Variants in COL4A2 observed in about 807,000 individuals in gnomAD.
COL4A2 encodes collagen type IV alpha 2 chain.
COL4A2 carries 99 observed loss-of-function variants against 200.2 expected under a neutral mutation model. That is an observed-to-expected ratio of 0.49 (90% CI 0.42 to 0.58). The LOEUF (loss-of-function observed/expected upper bound fraction) is 0.58. Among genes scored for constraint, COL4A2 ranks in the 20% least tolerant of loss-of-function variants. The probability of loss-of-function intolerance (pLI) is 0.00; values close to 1 mark genes in which losing one functional copy is unlikely to be tolerated. For synonymous variants in COL4A2, 897 were observed against 900.6 expected, an observed-to-expected ratio of 1.00 and a Z score of 0.07; for missense variants, 1,950 against 2,314.1, an observed-to-expected ratio of 0.84 and a Z score of 3.23.
At chr13:110,357,657 A>G (rs1877339405) in intron 4 of COL4A2, 105 bp downstream of exon 4, 4 of 1,488,606 alleles carry the variant, frequency 2.7e-6, no homozygotes, top group Middle Eastern at 4.2e-4. Flanking sequence ...CAGTTTCATC[A>G]TTGCTTGAAC....
chr13:110,452,854 G>T (rs1485013283), intron 20 of COL4A2, among the ~76,000 whole-genome samples: 2 of 151,996 alleles, frequency 1.3e-5, no homozygotes, highest in Non-Finnish European at 2.9e-5. Context: ...CCTCCACCTC[G>T]TGGGATCAAG....
intron 13 of COL4A2, among the ~76,000 whole-genome samples, chr13:110,437,751 A>G (rs975166601): frequency 6.6e-5 from 10 of 152,250 alleles, no homozygotes; most frequent in African/African-American, 1.7e-4. Flanking sequence ...AGAGAAGGAA[A>G]GACAGACTTT....
intron 4 of COL4A2, among the ~76,000 whole-genome samples, chr13:110,408,459 G>C (rs1879660275): frequency 6.6e-6 from 1 of 152,230 alleles, no homozygotes; most frequent in Non-Finnish European, 1.5e-5. Flanking sequence ...GAGGCCAGGA[G>C]AGTTGGCTTC....
In COL4A2 at chr13:110,401,444, A is replaced by G. The variant is rs189024312; in HGVS notation, c.181-23290A>G. Among the ~76,000 whole-genome samples, 805 of 152,354 alleles carry G rather than the reference A, an allele frequency of 5.3e-3. 1 individual carries two copies. Among genetic ancestry groups the G allele is most frequent in the Non-Finnish European group, 8.4e-3 (570 of 68,034 alleles). ...TAATTAAGTGGGTTTTGAAGAGACAATGGAGCTCTGTTTATATGTTTGCCT... is the reference window on the plus strand; with the variant it reads ...TAATTAAGTGGGTTTTGAAGAGACAGTGGAGCTCTGTTTATATGTTTGCCT... On this transcript the variant is annotated intron_variant, in intron 4 of 47. Transcript: ENST00000360467.
intron 4 of COL4A2, among the ~76,000 whole-genome samples, chr13:110,379,702 A>G (rs1054264528): frequency 1.3e-5 from 2 of 152,036 alleles, no homozygotes; most frequent in African/African-American, 2.4e-5. Context: ...TGGGCACATT[A>G]GTTAATCTCT....
chr13:110,504,964 A>G (rs2139555191), intron 45 of COL4A2, among the ~76,000 whole-genome samples: 1 of 152,064 alleles, frequency 6.6e-6, no homozygotes, highest in South Asian at 2.1e-4. Context: ...CAGGAATAAC[A>G]GCTATTCATG....
intron 3 of COL4A2, among the ~76,000 whole-genome samples, chr13:110,325,649 T>G (rs1243398180): frequency 6.6e-6 from 1 of 152,230 alleles, no homozygotes; most frequent in Non-Finnish European, 1.5e-5. Context: ...CGCTTCAGCC[T>G]TTCTGTCTTC....
At chr13:110,455,997 C>G (rs926321048) in intron 20 of COL4A2, among the ~76,000 whole-genome samples, 2 of 152,218 alleles carry the variant, frequency 1.3e-5, no homozygotes, top group African/African-American at 4.8e-5. Flanking sequence ...GCAGGGCACA[C>G]CTGCAGAGCC....
intron 11 of COL4A2, among the ~76,000 whole-genome samples, chr13:110,432,624 A>G (rs1223103463): frequency 6.6e-6 from 1 of 152,278 alleles, no homozygotes; most frequent in African/African-American, 2.4e-5. Context: ...TGAAAACCAC[A>G]CTGAGGAACA....
At chr13:110,402,651 G>C (rs1942751821) in intron 4 of COL4A2, among the ~76,000 whole-genome samples, 1 of 152,206 alleles carries the variant, frequency 6.6e-6, no homozygotes, top group East Asian at 1.9e-4. Context: ...ATTATTCATG[G>C]TGTTCTGACA....
chr13:110,315,704 C>G (rs1015169946), intron 3 of COL4A2, among the ~76,000 whole-genome samples: 1 of 152,202 alleles, frequency 6.6e-6, no homozygotes, highest in East Asian at 1.9e-4. Flanking sequence ...CCATCATCCA[C>G]TTTTTCTCCC....
intron 6 of COL4A2, among the ~76,000 whole-genome samples, chr13:110,426,721 G>C (rs764129015): frequency 1.3e-5 from 2 of 152,176 alleles, no homozygotes; most frequent in Non-Finnish European, 2.9e-5. Context: ...ATTTCAAATA[G>C]ATCAGTTCTA....
chr13:110,499,236 T>G (rs552240383), intron 40 of COL4A2, among the ~76,000 whole-genome samples: 1 of 152,326 alleles, frequency 6.6e-6, no homozygotes, highest in East Asian at 1.9e-4. Flanking sequence ...TACCAGAGAC[T>G]GGGTAATTTA....
intron 3 of COL4A2, among the ~76,000 whole-genome samples, chr13:110,337,218 C>T (rs1339916808): frequency 6.6e-6 from 1 of 152,188 alleles, no homozygotes; most frequent in Non-Finnish European, 1.5e-5. Context: ...GGGGCATGGG[C>T]GCCGGAAGTT....
At position 110,442,087 on chromosome 13, in the gene COL4A2, C is replaced by CAAAAAAA. The variant is rs10530153; in HGVS notation, c.957+2276_957+2282dup. ...GGAGAGACAGTGAGACTCTCTGTCT[C>CAAAAAAA]AAAAAAAAAAAAAAAAAAAAAAAAA... On this transcript the variant is annotated intron_variant, in intron 16 of 47. Coordinates refer to ENST00000360467, the MANE Select transcript of COL4A2 (RefSeq NM_001846.4). Among the ~76,000 whole-genome samples, 46 of 47,642 alleles carry CAAAAAAA rather than the reference C, an allele frequency of 9.7e-4. 3 individuals carry two copies. The highest frequency in any genetic ancestry group is 5.1e-3 in the African/African-American group (46 of 8,974). 31.3% of individuals were successfully genotyped at this position (47,642 alleles called of 152,430 possible).
intron 16 of COL4A2, among the ~76,000 whole-genome samples, chr13:110,441,925 CAA>C (rs111531805): frequency 2.3e-5 from 3 of 129,400 alleles, no homozygotes; most frequent in Admixed American, 7.8e-5. Flanking sequence ...ACTAAAAATA[CAA>C]AAAAAAAAAA....
chr13:110,321,389 C>A (rs1885276179), intron 3 of COL4A2, among the ~76,000 whole-genome samples: 1 of 152,102 alleles, frequency 6.6e-6, no homozygotes, highest in Non-Finnish European at 1.5e-5. Context: ...TGGCATTAAA[C>A]ATATCACATT....
At chr13:110,415,322 G>A (rs1386305190) in intron 4 of COL4A2, among the ~76,000 whole-genome samples, 1 of 152,152 alleles carries the variant, frequency 6.6e-6, no homozygotes, top group Non-Finnish European at 1.5e-5. Flanking sequence ...AGAAAATGAA[G>A]TCAAAATAAA....
intron 22 of COL4A2, chr13:110,459,776 ATTAT>A (rs766243854): frequency 6.6e-5 from 10 of 152,362 alleles, no homozygotes; most frequent in East Asian, 3.9e-4. Context: ...TGTAAAGGAC[ATTAT>A]TTATTTATCG....
Sources: gnomAD v4.1 joint callset for allele counts (sites outside exome capture counted in the v4.1 genomes callset) on GRCh38, gnomAD v4.1.1 for gene constraint, MANE v1.5 for transcripts, NCBI Gene and HGNC (gene_info 2026-07-23, HGNC 2026-07-21) for gene names.